OR7C1: variants seen among roughly 807,000 people sequenced by gnomAD.
OR7C1 encodes the protein olfactory receptor 7C1.
For missense variants in OR7C1, 324 were observed against 383.3 expected, an observed-to-expected ratio of 0.85 and a Z score of 1.29; for synonymous variants, 152 against 160.7, an observed-to-expected ratio of 0.95 and a Z score of 0.41.
chr19:14,826,660 A>G (rs895415424), intron 1 of OR7C1: 1 of 152,236 alleles, frequency 6.6e-6, no homozygotes, highest in Non-Finnish European at 1.5e-5. Flanking sequence ...GTTAATCAAC[A>G]TATGCAAGTT....
chr19:14,808,151 C>T (rs1599914624), intron 2 of OR7C1, among the ~76,000 whole-genome samples: 1 of 150,924 alleles, frequency 6.6e-6, no homozygotes, highest in Non-Finnish European at 1.5e-5. Context: ...AGAAAAGGGA[C>T]TGCTTATGTG....
intron 2 of OR7C1, among the ~76,000 whole-genome samples, chr19:14,802,783 T>C (rs1425347436): frequency 6.6e-6 from 1 of 152,150 alleles, no homozygotes; most frequent in East Asian, 1.9e-4. Context: ...TTCCTGGGAA[T>C]GTAGAGGTGA....
At chr19:14,801,800 A>G (rs1023942014) in intron 2 of OR7C1, among the ~76,000 whole-genome samples, 2 of 152,234 alleles carry the variant, frequency 1.3e-5, no homozygotes, top group African/African-American at 4.8e-5. Context: ...GCAGAGAGAG[A>G]GAGAGCGCGC....
intron 1 of OR7C1, among the ~76,000 whole-genome samples, chr19:14,818,132 T>C (rs1235169661): frequency 6.6e-6 from 1 of 151,076 alleles, no homozygotes; most frequent in Non-Finnish European, 1.5e-5. Context: ...CTCTGTCCCC[T>C]AGACTGGAGC....
At chr19:14,811,737 C>T (rs902116398) in intron 1 of OR7C1, among the ~76,000 whole-genome samples, 1 of 151,908 alleles carries the variant, frequency 6.6e-6, no homozygotes, top group Non-Finnish European at 1.5e-5. Flanking sequence ...TCACAGAGGA[C>T]ACTAAAATTT....
intron 1 of OR7C1, among the ~76,000 whole-genome samples, chr19:14,815,389 C>T (rs554380877): frequency 6.6e-6 from 1 of 152,340 alleles, no homozygotes; most frequent in Admixed American, 6.5e-5. Flanking sequence ...CCAGGGCCAG[C>T]TTCATGAATA....
chr19:14,810,241 G>C (rs960482188), intron 1 of OR7C1, among the ~76,000 whole-genome samples: 1 of 151,754 alleles, frequency 6.6e-6, no homozygotes, highest in Non-Finnish European at 1.5e-5. Context: ...CCCAACACTG[G>C]AAATGACCCC....
chr19:14,812,956 T>C (rs2044698351), intron 1 of OR7C1, among the ~76,000 whole-genome samples: 1 of 151,584 alleles, frequency 6.6e-6, no homozygotes, highest in Admixed American at 6.6e-5. Context: ...TCCCAGCTAC[T>C]TGGGAGGCTG....
chr19:14,808,269 G>T (rs1246409112), intron 2 of OR7C1, among the ~76,000 whole-genome samples: 2 of 151,902 alleles, frequency 1.3e-5, no homozygotes, highest in Non-Finnish European at 2.9e-5. Flanking sequence ...CCACTAGTGG[G>T]TATATACCCC....
chr19:14,812,387 TA>T (rs1301793594), intron 1 of OR7C1, among the ~76,000 whole-genome samples: 1 of 152,102 alleles, frequency 6.6e-6, no homozygotes, highest in Non-Finnish European at 1.5e-5. Context: ...ACATAGTAGT[TA>T]AAAATCAACT....
intron 1 of OR7C1, among the ~76,000 whole-genome samples, chr19:14,833,410 C>A (rs117945812): frequency 6.6e-6 from 1 of 152,132 alleles, no homozygotes; most frequent in Non-Finnish European, 1.5e-5. Context: ...ATCCAGGAAG[C>A]GAAGGTTGCA....
At chr19:14,808,750 C>T (rs1010326629) in intron 2 of OR7C1, among the ~76,000 whole-genome samples, 2 of 151,964 alleles carry the variant, frequency 1.3e-5, no homozygotes, top group African/African-American at 4.8e-5. Context: ...CACAAACGTA[C>T]TTGCATTCAT....
At chr19:14,799,836 T>G in exon 5 of OR7C1, 1 of 1,613,322 alleles carries the variant, frequency 6.2e-7, no homozygotes, top group Non-Finnish European at 8.5e-7. Flanking sequence ...AAAAAAAAAA[T>G]CTGACTGAGA....
At chr19:14,828,111 A>G in intron 1 of OR7C1, 3 of 1,614,150 alleles carry the variant, frequency 1.9e-6, no homozygotes, top group Non-Finnish European at 1.7e-6. Context: ...CAGGATGATG[A>G]GCAGGTTCCC....
intron 2 of OR7C1, among the ~76,000 whole-genome samples, chr19:14,802,322 C>T (rs1470658239): frequency 1.3e-5 from 2 of 152,058 alleles, no homozygotes; most frequent in Non-Finnish European, 2.9e-5. Context: ...GAGTTCGAGA[C>T]CAGCCTGGGC....
intron 2 of OR7C1, among the ~76,000 whole-genome samples, chr19:14,808,709 GAC>G (rs35835115): frequency 0.035 from 5,397 of 152,032 alleles, 144 homozygotes; most frequent in South Asian, 0.074. Flanking sequence ...TAATAGTCCA[GAC>G]TTCACCACTA....
At chr19:14,809,559 T>C (rs1038248234) in intron 2 of OR7C1, among the ~76,000 whole-genome samples, 2 of 150,326 alleles carry the variant, frequency 1.3e-5, no homozygotes, top group African/African-American at 4.9e-5. Flanking sequence ...AAACAGAGAT[T>C]GAAAGCAAGA....
intron 1 of OR7C1, among the ~76,000 whole-genome samples, chr19:14,818,193 C>T (rs748669176): frequency 6.6e-6 from 1 of 151,830 alleles, no homozygotes; most frequent in African/African-American, 2.4e-5. Flanking sequence ...CCCAGGTTCA[C>T]GGCGTTCTCT....
At chr19:14,818,603 G>A (rs528691127) in intron 1 of OR7C1, among the ~76,000 whole-genome samples, 14 of 152,244 alleles carry the variant, frequency 9.2e-5, no homozygotes, top group Middle Eastern at 6.8e-3. Flanking sequence ...TTTGTATAGC[G>A]AGTTTGCAGT....
Sources: gnomAD v4.1 joint callset for allele counts (sites outside exome capture counted in the v4.1 genomes callset) on GRCh38, gnomAD v4.1.1 for gene constraint, MANE v1.5 for transcripts, NCBI Gene and HGNC (gene_info 2026-07-23, HGNC 2026-07-21) for gene names.